The following ROBO2 variants were observed in gnomAD, a reference collection of about 807,000 sequenced individuals.
ROBO2 encodes the protein roundabout guidance receptor 2.
A neutral mutation model predicts 160.8 loss-of-function variants in ROBO2; 53 were observed. The ratio of observed to expected loss-of-function variants is 0.33; its 90% CI spans 0.26 to 0.41. The LOEUF (loss-of-function observed/expected upper bound fraction) is 0.41, where lower values mean the gene tolerates loss of function less well. Ranked by LOEUF, ROBO2 falls within the 10% of genes least tolerant of loss-of-function variation. The pLI is 1.00. For synonymous variants in ROBO2, 664 were observed against 611.7 expected (o/e 1.09, Z -1.26); for missense variants, 1,577 against 1,722.4 (o/e 0.92, Z 1.49).
At chr3:77,001,435 T>C (rs2061332271) in intron 2 of ROBO2, among the ~76,000 whole-genome samples, 1 of 152,122 alleles carries the variant, frequency 6.6e-6, no homozygotes. Flanking sequence ...AGTATCACAA[T>C]AGAAATATCA....
chr3:76,597,192 G>T (rs1578407137), intron 2 of ROBO2, among the ~76,000 whole-genome samples: 1 of 151,880 alleles, frequency 6.6e-6, no homozygotes, highest in East Asian at 1.9e-4. Flanking sequence ...GTAATAATCT[G>T]GGATTAGGCA....
At chr3:76,720,392 G>A (rs1033892604) in intron 2 of ROBO2, among the ~76,000 whole-genome samples, 1 of 152,168 alleles carries the variant, frequency 6.6e-6, no homozygotes, top group Non-Finnish European at 1.5e-5. Flanking sequence ...TGGGTTGGTA[G>A]CATTAATACA....
At chr3:76,714,992 AT>A (rs1317623194) in intron 2 of ROBO2, among the ~76,000 whole-genome samples, 1 of 152,130 alleles carries the variant, frequency 6.6e-6, no homozygotes, top group African/African-American at 2.4e-5. Flanking sequence ...TATTTCTTTC[AT>A]TTTGATACCA....
intron 2 of ROBO2, among the ~76,000 whole-genome samples, chr3:75,974,482 A>T (rs2065083459): frequency 6.6e-6 from 1 of 151,566 alleles, no homozygotes; most frequent in Non-Finnish European, 1.5e-5. Context: ...TATCTTGGGA[A>T]TGTTTTGGGG....
At chr3:77,143,689 T>C (rs2150454275) in intron 2 of ROBO2, among the ~76,000 whole-genome samples, 1 of 152,308 alleles carries the variant, frequency 6.6e-6, no homozygotes, top group South Asian at 2.1e-4. Flanking sequence ...AGAGAAAATA[T>C]AGAGTCGAGA....
intron 2 of ROBO2, among the ~76,000 whole-genome samples, chr3:77,101,697 G>C (rs1360292259): frequency 6.6e-6 from 1 of 152,162 alleles, no homozygotes; most frequent in Non-Finnish European, 1.5e-5. Flanking sequence ...CAGAGTGATA[G>C]AATATGGGCA....
chr3:76,842,977 T>G (rs902444880), intron 2 of ROBO2, among the ~76,000 whole-genome samples: 9 of 152,216 alleles, frequency 5.9e-5, no homozygotes, highest in African/African-American at 2.2e-4. Context: ...TCAAATCTGA[T>G]ACTCATGCCA....
At chr3:76,447,283 A>G (rs1261449303) in intron 2 of ROBO2, among the ~76,000 whole-genome samples, 1 of 152,230 alleles carries the variant, frequency 6.6e-6, no homozygotes. Context: ...CAAAAAACAC[A>G]TGAAAAAATG....
chr3:77,000,748 A>G (rs1262384118), intron 2 of ROBO2, among the ~76,000 whole-genome samples: 1 of 152,206 alleles, frequency 6.6e-6, no homozygotes, highest in Non-Finnish European at 1.5e-5. Context: ...TATTTTGAAT[A>G]TAAGAAAGTG....
At chr3:77,563,050 T>G in intron 10 of ROBO2, 117 bp from the exon 12 acceptor site, 1 of 890,784 alleles carries the variant, frequency 1.1e-6, no homozygotes, top group Non-Finnish European at 1.8e-6. Context: ...TTCTGATTCA[T>G]GGAGATGAAT....
chr3:76,203,135 C>T (rs1281248538), intron 2 of ROBO2, among the ~76,000 whole-genome samples: 4 of 150,828 alleles, frequency 2.7e-5, no homozygotes, highest in Non-Finnish European at 5.9e-5. Flanking sequence ...ACAATGTACC[C>T]GTGTATGTCT....
At chr3:76,471,424 C>T (rs2078649886) in intron 2 of ROBO2, among the ~76,000 whole-genome samples, 1 of 152,070 alleles carries the variant, frequency 6.6e-6, no homozygotes, top group Admixed American at 6.6e-5. Context: ...TCATAAACTA[C>T]AAGGGAAGCC....
At chr3:77,469,823 G>A (rs2083169736) in intron 2 of ROBO2, among the ~76,000 whole-genome samples, 1 of 152,102 alleles carries the variant, frequency 6.6e-6, no homozygotes, top group Admixed American at 6.5e-5. Context: ...AAGGGGTGCA[G>A]CACACATCTT....
In ROBO2 at chr3:76,139,250, G is replaced by A. The variant is rs115855498; in HGVS notation, c.109+201648G>A. Among the ~76,000 whole-genome samples, 1,420 of 152,052 alleles carry A rather than the reference G, an allele frequency of 9.3e-3. 24 individuals are homozygous for A. The highest frequency in any genetic ancestry group is 0.033 in the African/African-American group (1,371 of 41,490). ...ACTGTAATATGCTTTGTATTTGTAA[G>A]CCTTTGTCTTTCCTTATTGCTAAGC... On this transcript the variant is annotated intron_variant, in intron 2 of 26. Coordinates refer to the ROBO2 transcript ENST00000487694.
chr3:76,369,335 T>C (rs1323175296), intron 2 of ROBO2, among the ~76,000 whole-genome samples: 1 of 151,992 alleles, frequency 6.6e-6, no homozygotes, highest in African/African-American at 2.4e-5. Context: ...CTCTCTTCTC[T>C]GGAGACTCCT....
At chr3:77,420,169 G>C (rs1160407111) in intron 2 of ROBO2, among the ~76,000 whole-genome samples, 1 of 151,956 alleles carries the variant, frequency 6.6e-6, no homozygotes, top group African/African-American at 2.4e-5. Flanking sequence ...AAATGAAAGG[G>C]TGTTCTCAGT....
At chr3:76,634,334 G>A (rs1430875521) in intron 2 of ROBO2, among the ~76,000 whole-genome samples, 4 of 152,122 alleles carry the variant, frequency 2.6e-5, no homozygotes, top group East Asian at 1.9e-4. Context: ...TTGGGAAGCC[G>A]AGGCAGGCAG....
At chr3:77,510,783 A>C (rs1276325280) in intron 5 of ROBO2, among the ~76,000 whole-genome samples, 2 of 152,238 alleles carry the variant, frequency 1.3e-5, no homozygotes, top group African/African-American at 4.8e-5. Context: ...TGCACGGCAG[A>C]AAATAAATAT....
intron 2 of ROBO2, among the ~76,000 whole-genome samples, chr3:76,155,716 T>G (rs1004501716): frequency 5.9e-5 from 9 of 152,328 alleles, no homozygotes; most frequent in South Asian, 4.1e-4. Context: ...TGTATTTTTT[T>G]GGGTGTTTTT....
Sources: allele counts gnomAD v4.1 joint callset (sites outside exome capture counted in the v4.1 genomes callset), GRCh38; gene constraint gnomAD v4.1.1; transcripts MANE v1.5; gene names NCBI Gene and HGNC (gene_info 2026-07-23, HGNC 2026-07-21).